Variants in IMMP2L observed in about 807,000 individuals in gnomAD.
The protein encoded by IMMP2L is inner mitochondrial membrane peptidase subunit 2, also known as mitochondrial inner membrane protease subunit 2.
Under a neutral mutation model 19.3 loss-of-function variants are expected in IMMP2L, and 18 were observed. The ratio of observed to expected loss-of-function variants is 0.93; its 90% CI spans 0.64 to 1.38. The LOEUF (loss-of-function observed/expected upper bound fraction) is 1.38, where lower values mean the gene tolerates loss of function less well. IMMP2L is among the 40% of genes most tolerant of loss of function. IMMP2L has a pLI of 0.00. For missense variants in IMMP2L, 233 were observed against 218.2 expected (o/e 1.07, Z -0.43); for synonymous variants, 76 against 73.0 (o/e 1.04, Z -0.21).
intron 1 of IMMP2L, among the ~76,000 whole-genome samples, chr7:111,553,037 A>C (rs1293874516): frequency 6.6e-6 from 1 of 152,104 alleles, no homozygotes; most frequent in Non-Finnish European, 1.5e-5. Context: ...ACTCCTGCTG[A>C]TATCTGACAG....
chr7:111,293,702 A>T (rs539609163), intron 3 of IMMP2L, among the ~76,000 whole-genome samples: 1 of 151,972 alleles, frequency 6.6e-6, no homozygotes, highest in African/African-American at 2.4e-5. Flanking sequence ...ACGTGAATAA[A>T]TAAGAGGAGA....
At chr7:110,700,008 C>A (rs966524328) in intron 5 of IMMP2L, among the ~76,000 whole-genome samples, 7 of 152,060 alleles carry the variant, frequency 4.6e-5, no homozygotes, top group African/African-American at 4.8e-5. Flanking sequence ...CTTCCAATAA[C>A]CTAAATAAGC....
chr7:110,900,790 T>G (rs545846826), intron 4 of IMMP2L, among the ~76,000 whole-genome samples: 2 of 152,198 alleles, frequency 1.3e-5, no homozygotes, highest in African/African-American at 4.8e-5. Flanking sequence ...ACTAAAAATG[T>G]CTCCAAACGT....
intron 3 of IMMP2L, among the ~76,000 whole-genome samples, chr7:111,016,709 T>G (rs1190178839): frequency 1.0e-5 from 1 of 98,864 alleles, no homozygotes; most frequent in Admixed American, 1.6e-4. Flanking sequence ...TATATATAAT[T>G]TTATATATAT....
intron 4 of IMMP2L, among the ~76,000 whole-genome samples, chr7:110,931,957 T>C (rs1446634061): frequency 6.6e-6 from 1 of 152,128 alleles, no homozygotes; most frequent in Non-Finnish European, 1.5e-5. Context: ...GACTACATCT[T>C]TCTTCTACTC....
chr7:110,809,351 A>G (rs4727747), intron 5 of IMMP2L, among the ~76,000 whole-genome samples: 134,267 of 151,996 alleles, frequency 0.88, 59,544 homozygotes, highest in East Asian at 0.98. Flanking sequence ...CATGCCTATC[A>G]ACATATATAC....
At chr7:111,100,499 A>G (rs2129579924) in intron 3 of IMMP2L, among the ~76,000 whole-genome samples, 1 of 149,084 alleles carries the variant, frequency 6.7e-6, no homozygotes, top group African/African-American at 2.4e-5. Context: ...TAAGTGCATC[A>G]AACTTTACAG....
chr7:111,287,725 T>TA (rs1820651178), intron 3 of IMMP2L, among the ~76,000 whole-genome samples: 1 of 151,978 alleles, frequency 6.6e-6, no homozygotes, highest in Admixed American at 6.6e-5. Context: ...GATTATCCAA[T>TA]AAAAAATGTA....
intron 3 of IMMP2L, among the ~76,000 whole-genome samples, chr7:111,415,162 A>T (rs138470412): frequency 1.3e-5 from 2 of 151,868 alleles, no homozygotes; most frequent in East Asian, 3.9e-4. Flanking sequence ...GGTCTTAAAG[A>T]AGGGGGCCTG....
At chr7:111,169,673 C>T (rs1806217094) in intron 3 of IMMP2L, among the ~76,000 whole-genome samples, 1 of 151,840 alleles carries the variant, frequency 6.6e-6, no homozygotes, top group Non-Finnish European at 1.5e-5. Flanking sequence ...AGAACACAGT[C>T]ATACTAAATT....
rs1454835748 is a variant in IMMP2L, at chr7:110,803,712, A to T, written c.408+82881T>A. On this transcript the variant is annotated intron_variant, in intron 5 of 5. Transcript: ENST00000405709. The surrounding 1 kb of genome is among the most constrained non-coding windows in gnomAD (Gnocchi z 4.2). ...CAAGGGCAAGTCCTGATGGGCTGAC[A>T]GGCTATCCCCTGGGAGCACTCCCAG... Among the ~76,000 whole-genome samples the T allele has an allele frequency of 6.6e-6, 1 of 152,072 alleles. No individual in the cohort carries two copies. The highest frequency in any genetic ancestry group is 1.5e-5 in the Non-Finnish European group (1 of 67,988).
intron 3 of IMMP2L, among the ~76,000 whole-genome samples, chr7:111,057,260 T>C (rs1755170201): frequency 6.6e-6 from 1 of 152,158 alleles, no homozygotes; most frequent in Non-Finnish European, 1.5e-5. Context: ...TTCCATAAGG[T>C]AGGCACCAGC....
At chr7:110,779,375 A>C (rs1186737129) in intron 5 of IMMP2L, among the ~76,000 whole-genome samples, 1 of 151,982 alleles carries the variant, frequency 6.6e-6, no homozygotes, top group Non-Finnish European at 1.5e-5. Context: ...GTAAGTTATC[A>C]AAAAATACCA....
intron 3 of IMMP2L, among the ~76,000 whole-genome samples, chr7:111,375,101 A>C (rs1189419842): frequency 6.6e-6 from 1 of 152,076 alleles, no homozygotes; most frequent in Non-Finnish European, 1.5e-5. Flanking sequence ...TTCACTGATT[A>C]TTAACTCAGC....
intron 5 of IMMP2L, among the ~76,000 whole-genome samples, chr7:110,731,085 T>C (rs569980623): frequency 1.3e-5 from 2 of 152,352 alleles, no homozygotes; most frequent in Admixed American, 1.3e-4. Context: ...TCAGCTGAAC[T>C]CTTTGAATGT....
chr7:111,070,324 G>A (rs938061498), intron 3 of IMMP2L, among the ~76,000 whole-genome samples: 2 of 152,102 alleles, frequency 1.3e-5, no homozygotes, highest in Non-Finnish European at 2.9e-5. Flanking sequence ...ATTCCACAAC[G>A]TTTAAAGTAG....
chr7:110,890,091 C>G (rs1810643880), intron 4 of IMMP2L, among the ~76,000 whole-genome samples: 1 of 152,112 alleles, frequency 6.6e-6, no homozygotes, highest in Admixed American at 6.5e-5. Flanking sequence ...TTTAAAATTA[C>G]CTGAACTACG....
intron 3 of IMMP2L, among the ~76,000 whole-genome samples, chr7:111,175,991 A>G (rs991837366): frequency 1.3e-5 from 2 of 152,052 alleles, no homozygotes; most frequent in Admixed American, 1.3e-4. Context: ...AAAAGAAGAC[A>G]TACAAATGGC....
chr7:110,985,559 C>G (rs1656291363), intron 3 of IMMP2L, among the ~76,000 whole-genome samples: 1 of 152,074 alleles, frequency 6.6e-6, no homozygotes, highest in Non-Finnish European at 1.5e-5. Flanking sequence ...ATGATATTAC[C>G]ATGACAATAT....
Sources: gnomAD v4.1 joint callset for allele counts (sites outside exome capture counted in the v4.1 genomes callset) on GRCh38, gnomAD v4.1.1 for gene constraint, Gnocchi (gnomAD v3.1) non-coding constraint, MANE v1.5 for transcripts, NCBI Gene and HGNC (gene_info 2026-07-23, HGNC 2026-07-21) for gene names.